Variants in SPN observed in about 807,000 individuals in gnomAD.
The protein encoded by SPN is sialophorin.
A neutral mutation model predicts 8.4 loss-of-function variants in SPN; 6 were observed. The observed-to-expected ratio is 0.72, with a 90% confidence interval of 0.39 to 1.42. The LOEUF (loss-of-function observed/expected upper bound fraction) is 1.42, where lower values mean the gene tolerates loss of function less well. Among genes scored for constraint, SPN ranks in the 40% most tolerant of loss-of-function variants. SPN has a pLI of 0.02. For missense variants in SPN, 517 were observed against 530.6 expected, an observed-to-expected ratio of 0.97 and a Z score of 0.25; for synonymous variants, 201 against 222.6, an observed-to-expected ratio of 0.90 and a Z score of 0.86.
chr16:29,667,212 C>T lies in SPN; in HGVS notation c.*2281C>T, dbSNP rs543143402. 3.0e-5 allele frequency: 11 copies of T among 362,138 alleles called. No individual in the cohort carries two copies. In the East Asian group the frequency reaches 8.2e-4, roughly 27 times the overall value. The allele number at this position is 362,138 out of a possible 1,614,324, so 22.4% of individuals were successfully genotyped here. ...TGGACTCACTGCAGCTGCAGAATGA[C>T]AGAGGCCATGTCCAAAATCCCTTAG... On this transcript the variant is annotated 3_prime_UTR_variant, in exon 2 of 2. Coordinates refer to ENST00000652691, the MANE Select transcript of SPN (RefSeq NM_003123.6).
chr16:29,664,919 G>A lies in SPN; in HGVS notation c.1191G>A (p.Gly397=), dbSNP rs745743575. ...CTGATGAGCCCGAAGGGGGAGACGG[G>A]GCTGCCCCTTAAGTGTCGGTGAATA... The part of the protein sequence containing the change: ...PAPDEPEGGD[G]AAP Residue 397 remains glycine (G), a synonymous_variant, in exon 2 of 2, where the codon GGG becomes GGA. Coordinates refer to ENST00000652691, the MANE Select transcript of SPN (RefSeq NM_003123.6). This position sits in a 1 kb window ranked among gnomAD's most constrained non-coding sequence, Gnocchi z 6.4. 2 of 1,416,538 alleles carry A rather than the reference G, an allele frequency of 1.4e-6. No homozygotes were observed. The highest frequency in any genetic ancestry group is 1.8e-6 in the Non-Finnish European group (2 of 1,082,638). The allele number at this position is 1,416,538 out of a possible 1,614,324, so 87.7% of individuals were successfully genotyped here.
rs1966843646 is a variant in SPN, at chr16:29,669,812, G to T, written c.*4881G>T. ...AATCCCTTGAACCCAGGAGGTGGAGGTTGCAGTGAGCCGAGATCACGCCAT... is the reference window on the plus strand; with the variant it reads ...AATCCCTTGAACCCAGGAGGTGGAGTTTGCAGTGAGCCGAGATCACGCCAT... On this transcript the variant is annotated 3_prime_UTR_variant, in exon 2 of 2. Transcript: ENST00000652691. 1 of 164,296 alleles carries T rather than the reference G, an allele frequency of 6.1e-6. No homozygotes were observed. Among genetic ancestry groups the T allele is most frequent in the Non-Finnish European group, 1.5e-5 (1 of 67,700 alleles). 10.2% of individuals were successfully genotyped at this position (164,296 alleles called of 1,614,324 possible). A position where few individuals can be genotyped will look rare whatever the true frequency, so the allele number is the denominator to read the frequency against.
rs1291953441 is a variant in SPN, at chr16:29,670,616, T to C, written c.*5685T>C. The stretch of plus-strand genomic sequence containing the variant: ...AATCATGTTTTTGAAAATTATGTAA[T>C]GACTTTGGAAAATACCAGCAATATA... On this transcript the variant is annotated 3_prime_UTR_variant, in exon 2 of 2. Transcript: ENST00000652691. 3.0e-6 allele frequency: 1 copy of C among 338,942 alleles called. No individual in the cohort carries two copies. The highest frequency in any genetic ancestry group is 5.9e-6 in the Non-Finnish European group (1 of 169,576). 21.0% of individuals were successfully genotyped at this position (338,942 alleles called of 1,614,324 possible).
In SPN at chr16:29,664,264, C is replaced by A. The variant is rs757287742; in HGVS notation, c.536C>A (p.Ser179Tyr). 1 of 1,613,948 alleles carries A rather than the reference C, an allele frequency of 6.2e-7. No homozygotes were observed. Among genetic ancestry groups the A allele is most frequent in the Non-Finnish European group, 8.5e-7 (1 of 1,179,956 alleles). ...ATGGCAACTGTCTCTCTGGAGACTT[C>A]CAAAGGCACCTCTGGACCCCCTGTT... ...LTMATVSLET[S>Y]KGTSGPPVTM... The change falls in exon 2 of 2, where the codon TCC becomes TAC. Residue 179 changes from serine (S) to tyrosine (Y), a missense_variant. By Grantham distance (144) the Ser-to-Tyr change is moderately radical (BLOSUM62 -2). Transcript: ENST00000652691. This position sits in a 1 kb window ranked among gnomAD's most constrained non-coding sequence, Gnocchi z 6.4.
Position 29,666,518 on chromosome 16 carries a change from T to A in SPN, c.*1587T>A, listed in dbSNP as rs1398648621. On this transcript the variant is annotated 3_prime_UTR_variant, in exon 2 of 2. Transcript: ENST00000652691. Reference sequence around the variant, plus strand: ...TGCATGTGCGCTCTCTCTCTCTCTCTCTCTCTCACACACACACACACACAC... The same window carrying A: ...TGCATGTGCGCTCTCTCTCTCTCTCACTCTCTCACACACACACACACACAC... 1.2e-3 allele frequency: 163 copies of A among 139,644 alleles called. No individual in the cohort carries two copies. The highest frequency in any genetic ancestry group is 3.9e-3 in the Middle Eastern group (1 of 256). The allele number at this position is 139,644 out of a possible 1,614,324, so 8.7% of individuals were successfully genotyped here.
chr16:29,663,736 C>G lies in SPN; in HGVS notation c.8C>G (p.Thr3Arg). 1 of 1,564,306 alleles carries G rather than the reference C, an allele frequency of 6.4e-7. No individual in the cohort carries two copies. Among genetic ancestry groups the G allele is most frequent in the Non-Finnish European group, 8.6e-7 (1 of 1,157,018 alleles). Residue 3 changes from threonine (T) to arginine (R), a missense_variant, in exon 2 of 2, where the codon ACG (threonine) becomes AGG (arginine). Coordinates refer to ENST00000652691, the MANE Select transcript of SPN (RefSeq NM_003123.6). This position sits in a 1 kb window ranked among gnomAD's most constrained non-coding sequence, Gnocchi z 4.3. ...CTGCCTGTTTGCCTGGAAATGGCCA[C>G]GCTTCTCCTTCTCCTTGGGGTGCTG... MA[T>R]LLLLLGVLVV...
rs2142287019 is a variant in SPN, at chr16:29,670,712, C to T, written c.*5781C>T. 4.4e-6 allele frequency: 2 copies of T among 452,520 alleles called. No homozygotes were observed. Among genetic ancestry groups the T allele is most frequent in the South Asian group, 3.1e-5 (2 of 63,576 alleles). 28.0% of individuals were successfully genotyped at this position (452,520 alleles called of 1,614,324 possible). A position where few individuals can be genotyped will look rare whatever the true frequency, so the allele number is the denominator to read the frequency against. ...GATTTTAGTTTTGTAATAAAAATTCCCAACCATATATGCACTTATAGGGAA... is the reference window on the plus strand; with the variant it reads ...GATTTTAGTTTTGTAATAAAAATTCTCAACCATATATGCACTTATAGGGAA... On this transcript the variant is annotated 3_prime_UTR_variant, in exon 2 of 2. Coordinates refer to ENST00000652691, the MANE Select transcript of SPN (RefSeq NM_003123.6).
chr16:29,667,272 C>G lies in SPN; in HGVS notation c.*2341C>G, dbSNP rs187406712. 1 of 288,780 alleles carries G rather than the reference C, an allele frequency of 3.5e-6. No homozygotes were observed. Among genetic ancestry groups the G allele is most frequent in the Non-Finnish European group, 7.5e-6 (1 of 132,778 alleles). The allele number at this position is 288,780 out of a possible 1,614,324, so 17.9% of individuals were successfully genotyped here. On this transcript the variant is annotated 3_prime_UTR_variant, in exon 2 of 2. Transcript: ENST00000652691. ...TGTCTTAGAGTTGTTAAAATAAGAG[C>G]CCCCATATCAGGTTTAGAAAATACT...
Position 29,666,567 on chromosome 16 carries a change from C to CGT in SPN, c.*1637_*1638insTG, listed in dbSNP as rs1567321542. 1 of 245,500 alleles carries CGT rather than the reference C, an allele frequency of 4.1e-6. No homozygotes were observed. The highest frequency in any genetic ancestry group is 8.7e-6 in the Non-Finnish European group (1 of 114,552). The allele number at this position is 245,500 out of a possible 1,614,324, so 15.2% of individuals were successfully genotyped here. A position where few individuals can be genotyped will look rare whatever the true frequency, so the allele number is the denominator to read the frequency against. ...ACACACACACACGCGCGCGCGCGCG[C>CGT]GCTCTCCTGCGAACAGAGGCAGGGG... On this transcript the variant is annotated 3_prime_UTR_variant, in exon 2 of 2. Transcript: ENST00000652691.
rs1020528342 is a variant in SPN, at chr16:29,667,062, G to C, written c.*2131G>C. ...GGCTCGTGCAGTGGGAGAGGAGACGGAGGGAGGGAGCGGGAAGGGGCTTGC... is the reference window on the plus strand; with the variant it reads ...GGCTCGTGCAGTGGGAGAGGAGACGCAGGGAGGGAGCGGGAAGGGGCTTGC... On this transcript the variant is annotated 3_prime_UTR_variant, in exon 2 of 2. Transcript: ENST00000652691. The C allele has an allele frequency of 1.3e-5, 6 of 469,390 alleles. No individual in the cohort carries two copies. The highest frequency in any genetic ancestry group is 2.7e-5 in the Non-Finnish European group (6 of 225,870). 29.1% of individuals were successfully genotyped at this position (469,390 alleles called of 1,614,324 possible).
chr16:29,670,088 T>C lies in SPN; in HGVS notation c.*5157T>C. 2 of 164,934 alleles carry C rather than the reference T, an allele frequency of 1.2e-5. No individual in the cohort carries two copies. The allele number at this position is 164,934 out of a possible 1,614,324, so 10.2% of individuals were successfully genotyped here. ...GGTGTGCGCCTGTGGTACCAGCTAC[T>C]CAAGAGGCGAAGGCAGGGAAGATTG... On this transcript the variant is annotated 3_prime_UTR_variant, in exon 2 of 2. Coordinates refer to ENST00000652691, the MANE Select transcript of SPN (RefSeq NM_003123.6).
At position 29,668,745 on chromosome 16, in the gene SPN, G is replaced by A. The variant is rs1343389949; in HGVS notation, c.*3814G>A. ...TTATAGGTGTGAGCCACTGTGCCCAGGCTTGCCTCAGATATTTGAAGGCTG... is the reference window on the plus strand; with the variant it reads ...TTATAGGTGTGAGCCACTGTGCCCAAGCTTGCCTCAGATATTTGAAGGCTG... On this transcript the variant is annotated 3_prime_UTR_variant, in exon 2 of 2. Transcript: ENST00000652691. 1.8e-5 allele frequency: 3 copies of A among 166,968 alleles called. No individual in the cohort carries two copies. The highest frequency in any genetic ancestry group is 7.3e-5 in the African/African-American group (3 of 41,372). The allele number at this position is 166,968 out of a possible 1,614,324, so 10.3% of individuals were successfully genotyped here.
chr16:29,666,724 A>G lies in SPN; in HGVS notation c.*1793A>G, dbSNP rs1017290343. ...CCCCTTCCATCCTCCAAGAGGAACCAGTGAGAGTGAGTGAAGGAGGGGCCT... is the reference window on the plus strand; with the variant it reads ...CCCCTTCCATCCTCCAAGAGGAACCGGTGAGAGTGAGTGAAGGAGGGGCCT... On this transcript the variant is annotated 3_prime_UTR_variant, in exon 2 of 2. Transcript: ENST00000652691. 2.7e-6 allele frequency: 1 copy of G among 373,738 alleles called. No homozygotes were observed. The highest frequency in any genetic ancestry group is 3.6e-5 in the Admixed American group (1 of 27,728). The allele number at this position is 373,738 out of a possible 1,614,324, so 23.2% of individuals were successfully genotyped here. A position where few individuals can be genotyped will look rare whatever the true frequency, so the allele number is the denominator to read the frequency against.
Position 29,666,746 on chromosome 16 carries a change from G to A in SPN, c.*1815G>A. On this transcript the variant is annotated 3_prime_UTR_variant, in exon 2 of 2. Coordinates refer to ENST00000652691, the MANE Select transcript of SPN (RefSeq NM_003123.6). The stretch of plus-strand genomic sequence containing the variant: ...ACCAGTGAGAGTGAGTGAAGGAGGG[G>A]CCTGGAGCCAGGGACTTCCCCTGTG... 1 of 391,932 alleles carries A rather than the reference G, an allele frequency of 2.6e-6. No individual in the cohort carries two copies. The highest frequency in any genetic ancestry group is 3.2e-5 in the Admixed American group (1 of 31,498). 24.3% of individuals were successfully genotyped at this position (391,932 alleles called of 1,614,324 possible). A position where few individuals can be genotyped will look rare whatever the true frequency, so the allele number is the denominator to read the frequency against.
In SPN at chr16:29,666,502, GCTCTCTCTCTCTCT is replaced by G. The variant is rs138362780; in HGVS notation, c.*1581_*1594del. ...ATTTCTGCAGTACACATGCATGTGC[GCTCTCTCTCTCTCT>G]CTCTCTCTCACACACACACACACAC... On this transcript the variant is annotated 3_prime_UTR_variant, in exon 2 of 2. Transcript: ENST00000652691. 3 of 156,716 alleles carry G rather than the reference GCTCTCTCTCTCTCT, an allele frequency of 1.9e-5. No individual in the cohort carries two copies. The highest frequency in any genetic ancestry group is 8.2e-5 in the African/African-American group (3 of 36,786). 9.7% of individuals were successfully genotyped at this position (156,716 alleles called of 1,614,324 possible). A position where few individuals can be genotyped will look rare whatever the true frequency, so the allele number is the denominator to read the frequency against.
Position 29,665,292 on chromosome 16 carries a change from G to T in SPN, c.*361G>T. 1 of 180,066 alleles carries T rather than the reference G, an allele frequency of 5.6e-6. No homozygotes were observed. The allele number at this position is 180,066 out of a possible 1,614,324, so 11.2% of individuals were successfully genotyped here. ...GCTGGTCTCAAACTCCTGACCTCAG[G>T]TGATCTACCTGCCTCAGCCTCCCAA... On this transcript the variant is annotated 3_prime_UTR_variant, in exon 2 of 2. Coordinates refer to ENST00000652691, the MANE Select transcript of SPN (RefSeq NM_003123.6).
chr16:29,664,446 G>A lies in SPN; in HGVS notation c.718G>A (p.Ala240Thr), dbSNP rs373992366. 33 of 1,614,054 alleles carry A rather than the reference G, an allele frequency of 2.0e-5. No individual in the cohort carries two copies. The South Asian group carries it at 2.5e-4, about 12-fold the overall frequency. ...TMMSPTTSTN[A>T]STVPFRNPDE... Reference sequence around the variant, plus strand: ...GATGTCTCCAACGACCTCCACCAACGCAAGCACTGTGCCCTTCCGGAACCC... The same window carrying A: ...GATGTCTCCAACGACCTCCACCAACACAAGCACTGTGCCCTTCCGGAACCC... The change falls in exon 2 of 2, where the codon GCA (alanine) becomes ACA (threonine). Residue 240 changes from alanine to threonine, a missense_variant. By Grantham distance (58) the Ala-to-Thr change is moderately conservative. Transcript: ENST00000652691. The surrounding 1 kb of genome is among the most constrained non-coding windows in gnomAD (Gnocchi z 6.4).
chr16:29,663,723 C>T lies in SPN; in HGVS notation c.-6C>T. The T allele has an allele frequency of 6.5e-7, 1 of 1,549,252 alleles. No individual in the cohort carries two copies. The highest frequency in any genetic ancestry group is 8.7e-7 in the Non-Finnish European group (1 of 1,150,326). ...CCAGCTCTTGCTCCTGCCTGTTTGC[C>T]TGGAAATGGCCACGCTTCTCCTTCT... On this transcript the variant is annotated 5_prime_UTR_variant, in exon 2 of 2. Coordinates refer to ENST00000652691, the MANE Select transcript of SPN (RefSeq NM_003123.6). The surrounding 1 kb of genome is among the most constrained non-coding windows in gnomAD (Gnocchi z 4.3).
rs199906140 is a variant in SPN, at chr16:29,664,682, C to T, written c.954C>T (p.Thr318=). The change falls in exon 2 of 2, where the codon ACC becomes ACT. Residue 318 remains threonine, a synonymous_variant. Coordinates refer to ENST00000652691, the MANE Select transcript of SPN (RefSeq NM_003123.6). The surrounding 1 kb of genome is among the most constrained non-coding windows in gnomAD (Gnocchi z 6.4). ...CTGAGGAGGGGGCCGTGACAGTGAC[C>T]GTGGGAGGGTCCGGGGGCGACAAGG... ...QVPEEGAVTV[T]VGGSGGDKGS... The T allele has an allele frequency of 1.5e-5, 22 of 1,499,722 alleles. No homozygotes were observed. The highest frequency in any genetic ancestry group is 4.2e-5 in the African/African-American group (3 of 71,500). 92.9% of individuals were successfully genotyped at this position (1,499,722 alleles called of 1,614,324 possible). A position where few individuals can be genotyped will look rare whatever the true frequency, so the allele number is the denominator to read the frequency against.
Sources: allele counts gnomAD v4.1 joint callset, GRCh38; gene constraint gnomAD v4.1.1; non-coding constraint Gnocchi (gnomAD v3.1); transcripts MANE v1.5; gene names NCBI Gene and HGNC (gene_info 2026-07-23, HGNC 2026-07-21).